Variants in LPP observed in about 807,000 individuals in gnomAD.
LPP encodes LIM domain containing preferred translocation partner in lipoma.
A neutral mutation model predicts 60.4 loss-of-function variants in LPP; 38 were observed. The ratio of observed to expected loss-of-function variants is 0.63; its 90% CI spans 0.49 to 0.83. The LOEUF is 0.83. Ranked by LOEUF, LPP falls within the 40% of genes least tolerant of loss-of-function variation. LPP has a pLI of 0.00. For synonymous variants in LPP, 328 were observed against 290.8 expected (o/e 1.13, Z -1.30); for missense variants, 902 against 783.6 (o/e 1.15, Z -1.80).
chr3:188,674,771 C>G (rs1186772856), intron 7 of LPP, among the ~76,000 whole-genome samples: 1 of 152,154 alleles, frequency 6.6e-6, no homozygotes, highest in Non-Finnish European at 1.5e-5. Flanking sequence ...GTGTGCAAAG[C>G]TAAACTTTGA....
chr3:188,636,063 C>T (rs543186953), intron 7 of LPP, among the ~76,000 whole-genome samples: 11 of 152,196 alleles, frequency 7.2e-5, no homozygotes, highest in East Asian at 1.9e-4. Context: ...CCAAGATGGC[C>T]GAATAGGAAC....
At chr3:188,556,703 C>T (rs1364208274) in intron 6 of LPP, among the ~76,000 whole-genome samples, 2 of 151,852 alleles carry the variant, frequency 1.3e-5, no homozygotes, top group African/African-American at 4.8e-5. Context: ...ATTGTGAATG[C>T]TCTGCGAAAC....
intron 7 of LPP, among the ~76,000 whole-genome samples, chr3:188,684,079 A>G (rs1472000567): frequency 6.6e-6 from 1 of 152,258 alleles, no homozygotes; most frequent in Non-Finnish European, 1.5e-5. Context: ...ACTGCAAGAC[A>G]CATACGCATT....
At chr3:188,310,866 A>G (rs190648463) in intron 2 of LPP, among the ~76,000 whole-genome samples, 1 of 152,288 alleles carries the variant, frequency 6.6e-6, no homozygotes, top group East Asian at 1.9e-4. Context: ...TATAGTAAAG[A>G]GAGCCAACAT....
intron 4 of LPP, among the ~76,000 whole-genome samples, chr3:188,458,372 G>C (rs1351906830): frequency 6.6e-6 from 1 of 152,138 alleles, no homozygotes; most frequent in African/African-American, 2.4e-5. Context: ...TGAGCATAGT[G>C]CATTTTAACT....
chr3:188,706,810 A>G (rs1405369969), intron 7 of LPP, among the ~76,000 whole-genome samples: 1 of 152,212 alleles, frequency 6.6e-6, no homozygotes, highest in Non-Finnish European at 1.5e-5. Flanking sequence ...TATTTTAACA[A>G]TGCATAAATA....
At chr3:188,500,403 G>A (rs574327622) in intron 5 of LPP, among the ~76,000 whole-genome samples, 1 of 151,920 alleles carries the variant, frequency 6.6e-6, no homozygotes, top group East Asian at 1.9e-4. Flanking sequence ...TGTTTGTTGA[G>A]TATCCGTTCG....
intron 6 of LPP, among the ~76,000 whole-genome samples, chr3:188,525,530 A>G (rs1820363699): frequency 6.6e-6 from 1 of 152,188 alleles, no homozygotes; most frequent in African/African-American, 2.4e-5. Context: ...TTGGCTATGT[A>G]AGGTTAAGGT....
At chr3:188,179,445 C>T (rs1228896289) in intron 1 of LPP, 2 of 457,772 alleles carry the variant, frequency 4.4e-6, no homozygotes, top group East Asian at 6.9e-5. Context: ...CTTTGGGTCC[C>T]CTGTGACTCC....
chr3:188,755,808 A>C (rs950679151), intron 8 of LPP, among the ~76,000 whole-genome samples: 1 of 82,344 alleles, frequency 1.2e-5, no homozygotes, highest in Non-Finnish European at 2.3e-5. Context: ...AGATCCTGTC[A>C]CAAAAAAAAA....
intron 7 of LPP, among the ~76,000 whole-genome samples, chr3:188,641,627 G>GCAAAGAGCCT (rs1850148215): frequency 6.6e-6 from 1 of 152,218 alleles, no homozygotes; most frequent in African/African-American, 2.4e-5. Flanking sequence ...GCTTCATTAT[G>GCAAAGAGCCT]TGTTTTGCAA....
intron 2 of LPP, among the ~76,000 whole-genome samples, chr3:188,253,217 A>C (rs1730541645): frequency 6.6e-6 from 1 of 151,904 alleles, no homozygotes; most frequent in Non-Finnish European, 1.5e-5. Flanking sequence ...CTTTGATTAC[A>C]GTGTTTTATT....
intron 1 of LPP, among the ~76,000 whole-genome samples, chr3:188,213,384 G>A (rs1423539842): frequency 6.6e-6 from 1 of 152,188 alleles, no homozygotes; most frequent in Admixed American, 6.5e-5. Context: ...GGGCAGCAGA[G>A]ACCCAGGCCC....
chr3:188,352,669 TCAGGTCTTGTTTCC>T lies in LPP; in HGVS notation c.-10+10952_-10+10965del, dbSNP rs1173439894. Among the ~76,000 whole-genome samples the T allele has an allele frequency of 6.7e-6, 1 of 149,408 alleles. No individual in the cohort carries two copies. The highest frequency in any genetic ancestry group is 1.5e-5 in the Non-Finnish European group (1 of 67,602). Reference sequence around the variant, plus strand: ...ATAGAGAGAAGGCTGGGAGAGGAGGTCAGGTCTTGTTTCCCTGCTTGTTGATGTTCCAGCTGCAT... The same window carrying T: ...ATAGAGAGAAGGCTGGGAGAGGAGGTCTGCTTGTTGATGTTCCAGCTGCAT... On this transcript the variant is annotated intron_variant, in intron 3 of 11. Transcript: ENST00000617246. This position sits in a 1 kb window ranked among gnomAD's most constrained non-coding sequence, Gnocchi z 4.4.
In LPP at chr3:188,884,583, CAG is replaced by C; in HGVS notation, c.*10111_*10112del. The C allele has an allele frequency of 4.3e-6, 1 of 230,440 alleles. No individual in the cohort carries two copies. The highest frequency in any genetic ancestry group is 8.6e-6 in the Non-Finnish European group (1 of 116,282). 14.3% of individuals were successfully genotyped at this position (230,440 alleles called of 1,614,324 possible). ...GGAAGCACATTGCAATAAATTTCCC[CAG>C]AGAGAGTTCCTTTACATTCCATTCA... is the stretch of plus-strand genomic sequence containing the variant. On this transcript the variant is annotated 3_prime_UTR_variant, in exon 12 of 12. Coordinates refer to ENST00000617246, the MANE Select transcript of LPP (RefSeq NM_001375462.1).
At chr3:188,337,331 A>G (rs980290721) in intron 2 of LPP, among the ~76,000 whole-genome samples, 1 of 152,234 alleles carries the variant, frequency 6.6e-6, no homozygotes, top group African/African-American at 2.4e-5. Context: ...TTCTTGGGGA[A>G]GCACGGCTAT....
intron 7 of LPP, among the ~76,000 whole-genome samples, chr3:188,622,263 TC>T (rs1395739728): frequency 6.6e-6 from 1 of 152,108 alleles, no homozygotes; most frequent in East Asian, 1.9e-4. Flanking sequence ...TTCCTCTTTC[TC>T]CCCTTTTCAA....
chr3:188,380,381 C>T (rs1014138246), intron 3 of LPP, among the ~76,000 whole-genome samples: 2 of 152,264 alleles, frequency 1.3e-5, no homozygotes, highest in Non-Finnish European at 2.9e-5. Context: ...AAGAGGCCCT[C>T]TTCTGGGTCA....
intron 7 of LPP, among the ~76,000 whole-genome samples, chr3:188,618,101 C>T (rs532230309): frequency 1.3e-5 from 2 of 152,276 alleles, no homozygotes; most frequent in South Asian, 4.1e-4. Context: ...GAGTGAAAGA[C>T]ACTATTTTTA....
Sources: allele counts gnomAD v4.1 joint callset (sites outside exome capture counted in the v4.1 genomes callset), GRCh38; gene constraint gnomAD v4.1.1; non-coding constraint Gnocchi (gnomAD v3.1); transcripts MANE v1.5; gene names NCBI Gene and HGNC (gene_info 2026-07-23, HGNC 2026-07-21).